CCDC148: variants seen among roughly 807,000 people sequenced by gnomAD.
CCDC148 encodes the protein coiled-coil domain containing 148.
Under a neutral mutation model 85.7 loss-of-function variants are expected in CCDC148, and 89 were observed. The ratio of observed to expected loss-of-function variants is 1.04; its 90% CI spans 0.87 to 1.24. CCDC148 has a LOEUF of 1.24. Among genes scored for constraint, CCDC148 ranks in the 50% most tolerant of loss-of-function variants. The pLI is 0.00. For synonymous variants in CCDC148, 230 were observed against 213.9 expected (o/e 1.08, Z -0.66); for missense variants, 692 against 671.7 (o/e 1.03, Z -0.33).
intron 1 of CCDC148, among the ~76,000 whole-genome samples, chr2:158,438,502 G>C (rs1299291934): frequency 1.3e-5 from 2 of 152,156 alleles, no homozygotes; most frequent in Non-Finnish European, 2.9e-5. Context: ...TTGAAGGTTA[G>C]ACCTAAAACC....
chr2:158,421,614 T>A (rs1052969444), intron 1 of CCDC148, among the ~76,000 whole-genome samples: 1 of 152,114 alleles, frequency 6.6e-6, no homozygotes, highest in Non-Finnish European at 1.5e-5. Context: ...TTTATAGCAC[T>A]AAATGCCCAC....
intron 7 of CCDC148, among the ~76,000 whole-genome samples, chr2:158,330,755 T>C (rs13420143): frequency 0.35 from 52,702 of 151,938 alleles, 9,376 homozygotes; most frequent in African/African-American, 0.43. Context: ...TATGTGTTAA[T>C]GAATCTATCC....
At chr2:158,385,414 A>T (rs1049692344) in intron 1 of CCDC148, among the ~76,000 whole-genome samples, 1 of 152,214 alleles carries the variant, frequency 6.6e-6, no homozygotes, top group African/African-American at 2.4e-5. Flanking sequence ...GTACTAAAAC[A>T]GTACGTAGCA....
chr2:158,446,808 T>C (rs1688175685), intron 1 of CCDC148, among the ~76,000 whole-genome samples: 2 of 152,190 alleles, frequency 1.3e-5, no homozygotes, highest in Non-Finnish European at 2.9e-5. Context: ...CACTGATCTG[T>C]CTTCTATCTC....
At chr2:158,418,888 C>T (rs1003506368) in intron 1 of CCDC148, among the ~76,000 whole-genome samples, 8 of 152,038 alleles carry the variant, frequency 5.3e-5, no homozygotes, top group Non-Finnish European at 7.4e-5. Context: ...TGAATCATTA[C>T]GTGCGTGCTA....
chr2:158,426,476 G>C (rs114646494), intron 1 of CCDC148, among the ~76,000 whole-genome samples: 1 of 152,128 alleles, frequency 6.6e-6, no homozygotes, highest in Non-Finnish European at 1.5e-5. Context: ...GTAAGTCTTA[G>C]ATATGTTAAT....
At chr2:158,379,310 C>T (rs1684778465) in intron 1 of CCDC148, among the ~76,000 whole-genome samples, 1 of 152,140 alleles carries the variant, frequency 6.6e-6, no homozygotes. Context: ...TTGCTGCAAT[C>T]TCATGATATA....
intron 1 of CCDC148, among the ~76,000 whole-genome samples, chr2:158,386,620 C>A (rs1420158466): frequency 1.3e-5 from 2 of 152,120 alleles, no homozygotes; most frequent in Admixed American, 1.3e-4. Context: ...GCTCCAAACT[C>A]CATGATCTTT....
chr2:158,413,187 A>C (rs1686342334), intron 1 of CCDC148, among the ~76,000 whole-genome samples: 1 of 152,180 alleles, frequency 6.6e-6, no homozygotes, highest in African/African-American at 2.4e-5. Context: ...GAGTCTTAGC[A>C]TAAAAAGCAA....
rs764769803 is a variant in CCDC148 at position 158,345,233 on chromosome 2, T to C, written c.233A>G (p.Gln78Arg). 3 of 1,613,356 alleles carry C rather than the reference T, an allele frequency of 1.9e-6. No homozygotes were observed. The highest frequency in any genetic ancestry group is 1.7e-5 in the Admixed American group (1 of 59,932). Reference sequence around the variant, plus strand: ...TTCTTACCTGACTTCATTCAGCCTCTGGTATTCCTGCCACCACACTTGCTT... The same window carrying C: ...TTCTTACCTGACTTCATTCAGCCTCCGGTATTCCTGCCACCACACTTGCTT... The part of the protein sequence containing the change: ...QHKQVWWQEY[Q>R]RLNEVRCKME... Residue 78 changes from glutamine to arginine, a missense_variant, in exon 3 of 14, where the codon CAG becomes CGG. Gln to Arg is a conservative substitution (Grantham distance 43). Transcript: ENST00000283233.
intron 1 of CCDC148, among the ~76,000 whole-genome samples, chr2:158,369,326 G>C (rs1684337143): frequency 6.6e-6 from 1 of 151,974 alleles, no homozygotes; most frequent in African/African-American, 2.4e-5. Context: ...TTTTCCATTT[G>C]TTTCTGTCCT....
intron 10 of CCDC148, among the ~76,000 whole-genome samples, chr2:158,226,438 C>T (rs1687530267): frequency 6.6e-6 from 1 of 152,148 alleles, no homozygotes; most frequent in African/African-American, 2.4e-5. Context: ...AGAGGGAATC[C>T]TCCCTAACTC....
intron 11 of CCDC148, among the ~76,000 whole-genome samples, chr2:158,204,250 C>T (rs936743262): frequency 9.2e-5 from 14 of 152,166 alleles, no homozygotes; most frequent in African/African-American, 3.4e-4. Context: ...TAAGACTGTA[C>T]AGGAAAAGGG....
intron 1 of CCDC148, among the ~76,000 whole-genome samples, chr2:158,371,984 C>G (rs1395153723): frequency 6.6e-6 from 1 of 151,832 alleles, no homozygotes; most frequent in African/African-American, 2.4e-5. Context: ...AAATACAGAT[C>G]TATACATCTC....
At chr2:158,308,794 C>G (rs542160918) in intron 9 of CCDC148, among the ~76,000 whole-genome samples, 2 of 152,328 alleles carry the variant, frequency 1.3e-5, no homozygotes, top group African/African-American at 4.8e-5. Context: ...AACAACCACT[C>G]TTACTTACAG....
intron 1 of CCDC148, among the ~76,000 whole-genome samples, chr2:158,403,254 T>C (rs1483648874): frequency 6.6e-6 from 1 of 151,996 alleles, no homozygotes; most frequent in East Asian, 1.9e-4. Context: ...ACTCCAATGA[T>C]ATATGATAGA....
chr2:158,375,613 C>G (rs1226816914), intron 1 of CCDC148, among the ~76,000 whole-genome samples: 2 of 152,042 alleles, frequency 1.3e-5, no homozygotes, highest in African/African-American at 4.8e-5. Flanking sequence ...CTTTCTAACA[C>G]ATTCTAATTT....
At chr2:158,302,558 G>T (rs529017305) in intron 9 of CCDC148, among the ~76,000 whole-genome samples, 1 of 152,196 alleles carries the variant, frequency 6.6e-6, no homozygotes, top group Admixed American at 6.5e-5. Flanking sequence ...GGCTCAGGTG[G>T]GCGGATCACA....
intron 7 of CCDC148, among the ~76,000 whole-genome samples, chr2:158,333,457 T>C (rs938665309): frequency 2.0e-5 from 3 of 152,188 alleles, no homozygotes; most frequent in African/African-American, 7.2e-5. Context: ...AGTTTTAGAA[T>C]AAGTACGATG....
Sources: allele counts gnomAD v4.1 joint callset (sites outside exome capture counted in the v4.1 genomes callset), GRCh38; gene constraint gnomAD v4.1.1; transcripts MANE v1.5; gene names NCBI Gene and HGNC (gene_info 2026-07-23, HGNC 2026-07-21).